SRFBP1: variants seen among roughly 807,000 people sequenced by gnomAD.
SRFBP1 encodes the protein serum response factor-binding protein 1.
A neutral mutation model predicts 45.5 loss-of-function variants in SRFBP1; 47 were observed. That is an observed-to-expected ratio of 1.03 (90% confidence interval 0.82 to 1.32). The LOEUF (loss-of-function observed/expected upper bound fraction) is 1.32. Among genes scored for constraint, SRFBP1 ranks in the 40% most tolerant of loss-of-function variants. The pLI is 0.00. For synonymous variants in SRFBP1, 203 were observed against 166.3 expected, an observed-to-expected ratio of 1.22 and a Z score of -1.70; for missense variants, 621 against 484.6, an observed-to-expected ratio of 1.28 and a Z score of -2.64.
At chr5:122,013,203 A>G (rs1268087305) in intron 4 of SRFBP1, among the ~76,000 whole-genome samples, 1 of 152,104 alleles carries the variant, frequency 6.6e-6, no homozygotes, top group African/African-American at 2.4e-5. Flanking sequence ...TCTGTATTGT[A>G]ATTTTTGAAT....
At chr5:121,986,123 A>G (rs1752512609) in intron 3 of SRFBP1, among the ~76,000 whole-genome samples, 1 of 152,004 alleles carries the variant, frequency 6.6e-6, no homozygotes, top group African/African-American at 2.4e-5. Flanking sequence ...GTTAGAAGAG[A>G]AAGAACTAGC....
intron 2 of SRFBP1, among the ~76,000 whole-genome samples, chr5:122,067,946 T>A (rs1246359802): frequency 2.0e-5 from 3 of 152,032 alleles, no homozygotes; most frequent in Non-Finnish European, 4.4e-5. Context: ...AAGGAAGGCC[T>A]GATGTGAAAG....
chr5:122,070,364 T>G (rs776080229), intron 2 of SRFBP1: 4 of 648,670 alleles, frequency 6.2e-6, no homozygotes, highest in Non-Finnish European at 8.2e-6. Context: ...TAGATTAGAT[T>G]AGATTGTTTA....
intron 1 of SRFBP1, 102 bp downstream of exon 1, chr5:121,962,170 A>G: frequency 6.9e-7 from 1 of 1,458,772 alleles, no homozygotes; most frequent in Non-Finnish European, 9.5e-7. Flanking sequence ...GGTTGGAGGA[A>G]CTTTCGTGGT....
At position 122,020,502 on chromosome 5, in the gene SRFBP1, A is replaced by G. The variant is rs561286190; in HGVS notation, c.767A>G (p.Glu256Gly). Residue 256 changes from glutamate to glycine, a missense_variant, in exon 6 of 8, where the codon GAG becomes GGG. Coordinates refer to ENST00000339397, the MANE Select transcript of SRFBP1 (RefSeq NM_152546.3). ...NSDGGEEFCE[E>G]EKEYFDDSTE... ...GATGGCGGAGAAGAATTTTGTGAAG[A>G]GGAGAAGGAATATTTTGATGATAGC... 6.2e-7 allele frequency: 1 copy of G among 1,614,130 alleles called. No individual in the cohort carries two copies. The highest frequency in any genetic ancestry group is 1.3e-5 in the African/African-American group (1 of 75,062).
At chr5:121,967,839 G>A (rs951009303) in intron 1 of SRFBP1, among the ~76,000 whole-genome samples, 2 of 152,116 alleles carry the variant, frequency 1.3e-5, no homozygotes, top group Non-Finnish European at 2.9e-5. Flanking sequence ...ACCTTGTTTC[G>A]AACAAAGACA....
chr5:121,977,440 T>C (rs1437796507), intron 3 of SRFBP1, among the ~76,000 whole-genome samples: 1 of 152,132 alleles, frequency 6.6e-6, no homozygotes, highest in Non-Finnish European at 1.5e-5. Flanking sequence ...TTCTTACGTG[T>C]CAAATTTTAT....
intron 4 of SRFBP1, among the ~76,000 whole-genome samples, chr5:122,000,172 A>G (rs369889992): frequency 1.3e-5 from 2 of 152,044 alleles, no homozygotes; most frequent in Non-Finnish European, 2.9e-5. Flanking sequence ...ACATAATTTT[A>G]TGCTGTTTTA....
downstream of SRFBP1, chr5:122,076,906 T>A (rs1429024885): frequency 3.1e-6 from 5 of 1,613,952 alleles, no homozygotes; most frequent in Non-Finnish European, 4.2e-6. Flanking sequence ...GCCAGACAGT[T>A]TTCCTCCGCC....
In SRFBP1 at chr5:122,061,145, CAG is replaced by C. The variant is rs1219785430; in HGVS notation, n.312-14168_312-14167del. Among the ~76,000 whole-genome samples, 3 of 150,536 alleles carry C rather than the reference CAG, an allele frequency of 2.0e-5. 1 individual carries two copies. Among genetic ancestry groups the C allele is most frequent in the Admixed American group, 1.4e-4 (2 of 14,744 alleles). On this transcript the variant is annotated intron_variant and non_coding_transcript_variant, in intron 2 of 2. Coordinates refer to the SRFBP1 transcript ENST00000504881. ...GCTGGTAGTATTGGCTCCAAATTGT[CAG>C]ACTCAAGATTCATGCATTAATTCAC...
intron 3 of SRFBP1, among the ~76,000 whole-genome samples, chr5:121,976,604 C>G (rs1752308017): frequency 6.6e-6 from 1 of 151,542 alleles, no homozygotes; most frequent in South Asian, 2.1e-4. Flanking sequence ...ATTACATTGC[C>G]TACCTAAATT....
downstream of SRFBP1, among the ~76,000 whole-genome samples, chr5:122,030,530 T>C (rs1753572021): frequency 2.0e-5 from 3 of 152,158 alleles, no homozygotes; most frequent in Admixed American, 2.0e-4. Context: ...ATTTGTTTCA[T>C]CTGAGTTAGA....
At chr5:121,975,259 T>C (rs369611403) in intron 2 of SRFBP1, 56 bp from the exon 3 acceptor site, 3 of 1,548,852 alleles carry the variant, frequency 1.9e-6, no homozygotes, top group Non-Finnish European at 2.7e-6. Context: ...TCCATTACAC[T>C]ATAAGTCTAA....
rs150262339 is a variant in SRFBP1 at position 122,050,008 on chromosome 5, GTTA to G, written n.312-25301_312-25299del. Among the ~76,000 whole-genome samples, 619 of 152,182 alleles carry G rather than the reference GTTA, an allele frequency of 4.1e-3. 15 individuals are homozygous for G. The East Asian group carries it at 0.052, about 13-fold the overall frequency. On this transcript the variant is annotated intron_variant and non_coding_transcript_variant, in intron 2 of 2. Transcript: ENST00000504881. Reference sequence around the variant, plus strand: ...CTGCATCTATTTAGATAATCACGTGGTTATTATTTGTAGTTCTGCTTATGTGAT... The same window carrying G: ...CTGCATCTATTTAGATAATCACGTGGTTATTTGTAGTTCTGCTTATGTGAT...
chr5:122,058,994 C>A (rs960686053), intron 2 of SRFBP1, among the ~76,000 whole-genome samples: 4 of 152,128 alleles, frequency 2.6e-5, no homozygotes, highest in African/African-American at 9.7e-5. Context: ...GAGGTTAAAG[C>A]GTTCCCACTG....
At position 122,035,364 on chromosome 5, in the gene SRFBP1, C is replaced by G. The variant is rs145810534; in HGVS notation, n.311+12957C>G. On this transcript the variant is annotated intron_variant and non_coding_transcript_variant, in intron 2 of 2. Coordinates refer to the SRFBP1 transcript ENST00000504881. ...AAATTCCCCTTATGTCAGCAGCTCT[C>G]AGGGCTTCATAGTCTCAAGTTAGCC... 7.3e-4 allele frequency among the ~76,000 whole-genome samples: 111 copies of G among 152,282 alleles called. 1 individual carries two copies. The East Asian group carries it at 0.019, about 26-fold the overall frequency.
intron 1 of SRFBP1, among the ~76,000 whole-genome samples, chr5:121,963,208 C>G (rs1299130214): frequency 6.6e-6 from 1 of 152,252 alleles, no homozygotes; most frequent in East Asian, 1.9e-4. Context: ...CTGATGGGAA[C>G]TTGTGAGATG....
At position 122,047,886 on chromosome 5, in the gene SRFBP1, C is replaced by T. The variant is rs978226964; in HGVS notation, n.311+25479C>T. On this transcript the variant is annotated intron_variant and non_coding_transcript_variant, in intron 2 of 2. Coordinates refer to the SRFBP1 transcript ENST00000504881. Reference sequence around the variant, plus strand: ...TATAAGAATGCTTGTGATTTTTGCACATCGATTGTGTATCCTGAGACTTTG... The same window carrying T: ...TATAAGAATGCTTGTGATTTTTGCATATCGATTGTGTATCCTGAGACTTTG... Among the ~76,000 whole-genome samples the T allele has an allele frequency of 5.3e-4, 81 of 152,298 alleles. 1 individual carries two copies. Among genetic ancestry groups the T allele is most frequent in the Admixed American group, 1.4e-3 (22 of 15,286 alleles).
intron 2 of SRFBP1, among the ~76,000 whole-genome samples, chr5:122,033,651 G>A (rs549091304): frequency 2.7e-4 from 41 of 151,576 alleles, no homozygotes; most frequent in South Asian, 6.3e-4. Context: ...TAGAGATGGC[G>A]TTTCACCGTG....
Sources: gnomAD v4.1 joint callset for allele counts (sites outside exome capture counted in the v4.1 genomes callset) on GRCh38, gnomAD v4.1.1 for gene constraint, MANE v1.5 for transcripts, NCBI Gene and HGNC (gene_info 2026-07-23, HGNC 2026-07-21) for gene names.